Variants in LIN52 observed in about 807,000 individuals in gnomAD.
LIN52 encodes lin-52 DREAM MuvB core complex component, also known as protein lin-52 homolog.
LIN52 carries 4 observed loss-of-function variants against 18.5 expected under a neutral mutation model. The ratio of observed to expected loss-of-function variants is 0.22; its 90% confidence interval spans 0.11 to 0.49. The LOEUF is 0.49. Ranked by LOEUF, LIN52 falls within the 20% of genes least tolerant of loss-of-function variation. LIN52 has a pLI of 0.97. For synonymous variants in LIN52, 34 were observed against 45.5 expected (o/e 0.75, Z 1.02); for missense variants, 102 against 139.5 (o/e 0.73, Z 1.35).
At chr14:74,125,529 C>T (rs1047675269) in intron 5 of LIN52, among the ~76,000 whole-genome samples, 82 of 151,986 alleles carry the variant, frequency 5.4e-4, no homozygotes, top group African/African-American at 1.9e-3. Context: ...CTTTGTCAGA[C>T]GAGTAGATTG....
chr14:74,150,727 A>G (rs2061173359), intron 5 of LIN52, among the ~76,000 whole-genome samples: 1 of 152,244 alleles, frequency 6.6e-6, no homozygotes, highest in Admixed American at 6.5e-5. Flanking sequence ...AATACACTCT[A>G]AGGGCTAATA....
rs371965343 is a variant in LIN52, at chr14:74,130,277, G to GTTTTTTTTTTTT, written c.283+29039_283+29040insTTTTTTTTTTTT. Among the ~76,000 whole-genome samples the GTTTTTTTTTTTT allele has an allele frequency of 4.7e-4, 22 of 46,398 alleles. 1 individual carries two copies. In the East Asian group the frequency reaches 6.2e-3, roughly 13 times the overall value. 30.4% of individuals were successfully genotyped at this position (46,398 alleles called of 152,430 possible). On this transcript the variant is annotated intron_variant, in intron 5 of 5. Transcript: ENST00000555028. ...GGAATTTATTAGATAGGCATTTTTT[G>GTTTTTTTTTTTT]GTTTTTTTTTTTTTTTTTTGAGACA...
chr14:74,172,735 A>G (rs1413433164), intron 5 of LIN52, among the ~76,000 whole-genome samples: 2 of 152,242 alleles, frequency 1.3e-5, no homozygotes, highest in African/African-American at 4.8e-5. Context: ...TGCCTCATTA[A>G]TAAAATACGA....
At chr14:74,130,706 C>T (rs2061061167) in intron 5 of LIN52, among the ~76,000 whole-genome samples, 1 of 150,004 alleles carries the variant, frequency 6.7e-6, no homozygotes, top group Non-Finnish European at 1.5e-5. Flanking sequence ...TCTCGTGCCT[C>T]AGCCTCCCAA....
At chr14:74,175,195 A>G (rs1417524049) in intron 5 of LIN52, among the ~76,000 whole-genome samples, 1 of 152,014 alleles carries the variant, frequency 6.6e-6, no homozygotes, top group Admixed American at 6.6e-5. Context: ...AGGCTATACT[A>G]AATGTATTAA....
chr14:74,198,901 T>G (rs1435284064), intron 5 of LIN52, 21 bp from the exon 6 acceptor site: 1 of 1,587,224 alleles, frequency 6.3e-7, no homozygotes, highest in Admixed American at 1.7e-5. Flanking sequence ...CATTGATCAT[T>G]TGTTTGCTTT....
At chr14:74,183,089 C>T (rs982292906) in intron 5 of LIN52, among the ~76,000 whole-genome samples, 11 of 89,652 alleles carry the variant, frequency 1.2e-4, no homozygotes, top group Admixed American at 5.2e-4. Flanking sequence ...TTACCCTTCT[C>T]TCTCTCTCTC....
At chr14:74,168,692 A>C (rs1055424665) in intron 5 of LIN52, among the ~76,000 whole-genome samples, 16 of 151,968 alleles carry the variant, frequency 1.1e-4, no homozygotes, top group Non-Finnish European at 2.1e-4. Flanking sequence ...AAAATTAACC[A>C]GCTTTTCAAA....
At chr14:74,158,119 A>G (rs1430161536) in intron 5 of LIN52, among the ~76,000 whole-genome samples, 2 of 112,214 alleles carry the variant, frequency 1.8e-5, no homozygotes, top group South Asian at 5.0e-4. Flanking sequence ...ATATATATAT[A>G]TATATATTTT....
intron 5 of LIN52, among the ~76,000 whole-genome samples, chr14:74,122,191 G>T (rs1460063981): frequency 6.6e-6 from 1 of 152,144 alleles, no homozygotes; most frequent in African/African-American, 2.4e-5. Flanking sequence ...GTTCAAATTG[G>T]AGATATTTTA....
At chr14:74,090,965 A>T (rs780426885) in intron 1 of LIN52, among the ~76,000 whole-genome samples, 3 of 152,214 alleles carry the variant, frequency 2.0e-5, no homozygotes, top group Non-Finnish European at 4.4e-5. Flanking sequence ...CAAGAGTATG[A>T]ATGAAGATGC....
intron 5 of LIN52, among the ~76,000 whole-genome samples, chr14:74,119,329 A>AT (rs547474354): frequency 0.013 from 1,923 of 150,980 alleles, 38 homozygotes; most frequent in African/African-American, 0.044. Context: ...CGCCCAGCTA[A>AT]TTTTTTTTGT....
At chr14:74,097,425 C>CTTTTTTT (rs35249058) in intron 3 of LIN52, among the ~76,000 whole-genome samples, 25 of 133,544 alleles carry the variant, frequency 1.9e-4, no homozygotes, top group East Asian at 8.6e-4. Flanking sequence ...TTTTCTTTTT[C>CTTTTTTT]TTTTTTTTTT....
intron 5 of LIN52, among the ~76,000 whole-genome samples, chr14:74,156,052 G>A (rs952134874): frequency 2.6e-5 from 4 of 152,288 alleles, no homozygotes; most frequent in African/African-American, 4.8e-5. Flanking sequence ...GTACAGCCAA[G>A]CAAGAAAAGG....
intron 5 of LIN52, among the ~76,000 whole-genome samples, chr14:74,107,399 T>A (rs1434194223): frequency 6.6e-6 from 1 of 152,200 alleles, no homozygotes; most frequent in Non-Finnish European, 1.5e-5. Flanking sequence ...TACCCTCTCT[T>A]TCTGGAATAC....
chr14:74,183,191 G>T (rs549872814), intron 5 of LIN52, among the ~76,000 whole-genome samples: 6 of 151,534 alleles, frequency 4.0e-5, no homozygotes, highest in African/African-American at 7.3e-5. Flanking sequence ...TTCATCTCCC[G>T]GGTTCACGCT....
chr14:74,092,523 C>T (rs1367300249), intron 2 of LIN52, among the ~76,000 whole-genome samples: 1 of 149,898 alleles, frequency 6.7e-6, no homozygotes, highest in African/African-American at 2.4e-5. Context: ...CCAGGCTGGT[C>T]TCAAACTCCT....
chr14:74,159,129 T>G (rs2061213265), intron 5 of LIN52, among the ~76,000 whole-genome samples: 1 of 150,774 alleles, frequency 6.6e-6, no homozygotes, highest in Non-Finnish European at 1.5e-5. Context: ...TAATTTAACA[T>G]TAGCAGATTA....
At chr14:74,103,155 G>A (rs1022912281) in intron 5 of LIN52, among the ~76,000 whole-genome samples, 1 of 151,370 alleles carries the variant, frequency 6.6e-6, no homozygotes, top group Non-Finnish European at 1.5e-5. Context: ...CTCGGCTCAC[G>A]GCAACCTCCA....
Sources: gnomAD v4.1 joint callset for allele counts (sites outside exome capture counted in the v4.1 genomes callset) on GRCh38, gnomAD v4.1.1 for gene constraint, MANE v1.5 for transcripts, NCBI Gene and HGNC (gene_info 2026-07-23, HGNC 2026-07-21) for gene names.